Variants in GRK3 observed in about 807,000 individuals in gnomAD.
GRK3 encodes G protein-coupled receptor kinase 3.
GRK3 carries 54 observed loss-of-function variants against 95.7 expected under a neutral mutation model. The observed-to-expected ratio is 0.56, with a 90% CI of 0.45 to 0.71. The LOEUF is 0.71. Among genes scored for constraint, GRK3 ranks in the 30% least tolerant of loss-of-function variants. GRK3 has a pLI of 0.00. For synonymous variants in GRK3, 281 were observed against 290.8 expected (o/e 0.97, Z 0.34); for missense variants, 649 against 851.2 (o/e 0.76, Z 2.96).
Position 25,726,034 on chromosome 22 carries a change from C to T in GRK3, c.*3584C>T, listed in dbSNP as rs1476528023. Reference sequence around the variant, plus strand: ...TGCTGAAGACAGCAGCAGCAACAAACAATGGTCTGTTTGTTGCAAACAAGA... The same window carrying T: ...TGCTGAAGACAGCAGCAGCAACAAATAATGGTCTGTTTGTTGCAAACAAGA... On this transcript the variant is annotated 3_prime_UTR_variant, in exon 21 of 21. Coordinates refer to ENST00000324198, the MANE Select transcript of GRK3 (RefSeq NM_005160.4). The T allele has an allele frequency of 6.5e-6, 1 of 154,368 alleles. No homozygotes were observed. The highest frequency in any genetic ancestry group is 1.4e-5 in the Non-Finnish European group (1 of 69,680). 9.6% of individuals were successfully genotyped at this position (154,368 alleles called of 1,614,324 possible). A position where few individuals can be genotyped will look rare whatever the true frequency, so the allele number is the denominator to read the frequency against.
chr22:25,650,158 C>A (rs1051477699), intron 3 of GRK3, among the ~76,000 whole-genome samples: 3 of 151,916 alleles, frequency 2.0e-5, no homozygotes, highest in Non-Finnish European at 4.4e-5. Flanking sequence ...ATCCCAGTGC[C>A]ACCCTGTAAT....
intron 17 of GRK3, among the ~76,000 whole-genome samples, chr22:25,713,470 G>C (rs770634391): frequency 6.6e-6 from 1 of 152,192 alleles, no homozygotes; most frequent in Non-Finnish European, 1.5e-5. Flanking sequence ...CTGGTGTTCT[G>C]TTGATTTGCT....
chr22:25,722,613 T>C lies in GRK3; in HGVS notation c.*163T>C. Reference sequence around the variant, plus strand: ...GGGGTCAGCTCAGCTCCCTGCCTTGTCACATTTGTCTGCATTAGAAACTAC... The same window carrying C: ...GGGGTCAGCTCAGCTCCCTGCCTTGCCACATTTGTCTGCATTAGAAACTAC... On this transcript the variant is annotated 3_prime_UTR_variant, in exon 21 of 21. Coordinates refer to ENST00000324198, the MANE Select transcript of GRK3 (RefSeq NM_005160.4). 1.7e-6 allele frequency: 1 copy of C among 599,822 alleles called. No individual in the cohort carries two copies. The allele number at this position is 599,822 out of a possible 1,614,324, so 37.2% of individuals were successfully genotyped here. A position where few individuals can be genotyped will look rare whatever the true frequency, so the allele number is the denominator to read the frequency against.
chr22:25,590,884 G>A (rs1315130393), intron 1 of GRK3, among the ~76,000 whole-genome samples: 2 of 152,182 alleles, frequency 1.3e-5, no homozygotes, highest in Admixed American at 1.3e-4. Context: ...TATTACAAGT[G>A]CACAGTTTGG....
At chr22:25,712,480 C>T (rs2085351637) in intron 17 of GRK3, among the ~76,000 whole-genome samples, 1 of 152,262 alleles carries the variant, frequency 6.6e-6, no homozygotes, top group South Asian at 2.1e-4. Flanking sequence ...CTGTATACCA[C>T]TATCTGTCCG....
chr22:25,607,681 G>C (rs1235282759), intron 2 of GRK3, among the ~76,000 whole-genome samples: 2 of 151,864 alleles, frequency 1.3e-5, no homozygotes, highest in African/African-American at 4.8e-5. Flanking sequence ...GGTTCAAGCA[G>C]TTGTTGTGCC....
At chr22:25,619,620 A>G (rs2084565875) in intron 2 of GRK3, among the ~76,000 whole-genome samples, 1 of 149,416 alleles carries the variant, frequency 6.7e-6, no homozygotes, top group Non-Finnish European at 1.5e-5. Flanking sequence ...GGTAGCTAGG[A>G]CTACAGGTGC....
intron 12 of GRK3, among the ~76,000 whole-genome samples, chr22:25,691,552 C>T (rs543423412): frequency 9.1e-4 from 138 of 152,342 alleles, no homozygotes; most frequent in Middle Eastern, 3.4e-3. Context: ...ATTTTGCTAG[C>T]ACTTTACAAT....
In GRK3 at chr22:25,728,366, G is replaced by C. The variant is rs1297683199; in HGVS notation, c.*5916G>C. 1 of 152,204 alleles carries C rather than the reference G, an allele frequency of 6.6e-6. No individual in the cohort carries two copies. The highest frequency in any genetic ancestry group is 1.5e-5 in the Non-Finnish European group (1 of 68,044). 9.4% of individuals were successfully genotyped at this position (152,204 alleles called of 1,614,324 possible). On this transcript the variant is annotated 3_prime_UTR_variant, in exon 21 of 21. Transcript: ENST00000324198. ...TACCGCAAAGGCTTTATTCTGGACT[G>C]GCTATCTCATAAAAGGATTTCTGTA...
chr22:25,718,434 A>G (rs2085404288), intron 19 of GRK3, 53 bp downstream of exon 19: 2 of 1,584,554 alleles, frequency 1.3e-6, no homozygotes, highest in East Asian at 2.2e-5. Context: ...ACAATGGCAT[A>G]TGGTTATTTC....
In GRK3 at chr22:25,723,478, T is replaced by C. The variant is rs2085449838; in HGVS notation, c.*1028T>C. ...TTAACTGTGTATATTGACTTTCATG[T>C]CGTCATGCATCTGTCATGAATGAAT... On this transcript the variant is annotated 3_prime_UTR_variant, in exon 21 of 21. Transcript: ENST00000324198. The C allele has an allele frequency of 6.6e-6, 1 of 152,250 alleles. No individual in the cohort carries two copies. Among genetic ancestry groups the C allele is most frequent in the Admixed American group, 6.5e-5 (1 of 15,286 alleles). 9.4% of individuals were successfully genotyped at this position (152,250 alleles called of 1,614,324 possible).
rs745676340 is a variant in GRK3 at position 25,722,409 on chromosome 22, C to T, written c.2026C>T (p.Pro676Ser). 3.1e-6 allele frequency: 5 copies of T among 1,614,032 alleles called. No individual in the cohort carries two copies. The East Asian group carries it at 8.9e-5, about 29-fold the overall frequency. The change falls in exon 21 of 21, where the codon CCA (proline) becomes TCA (serine). Residue 676 changes from proline to serine, a missense_variant. This residue lies in a region of GRK3 where 382 missense variants were observed against 493.8 expected (regional missense o/e 0.77). Transcript: ENST00000324198. Reference protein sequence around the residue: ...NKPRSGTVELPKPSLCHRNSN... With the variant: ...NKPRSGTVELSKPSLCHRNSN... The stretch of plus-strand genomic sequence containing the variant: ...ACCTCGGTCAGGTACTGTGGAGCTC[C>T]CAAAGCCATCCCTCTGTCACAGAAA...
chr22:25,574,090 C>T (rs950585942), intron 1 of GRK3, among the ~76,000 whole-genome samples: 10 of 152,118 alleles, frequency 6.6e-5, no homozygotes, highest in African/African-American at 1.9e-4. Context: ...GTCATTAAGT[C>T]GGTCCATTGA....
intron 1 of GRK3, among the ~76,000 whole-genome samples, chr22:25,566,862 T>C (rs1931507412): frequency 6.6e-6 from 1 of 152,028 alleles, no homozygotes; most frequent in Admixed American, 6.5e-5. Context: ...GTAGTATTTC[T>C]ATATACAAAA....
intron 15 of GRK3, among the ~76,000 whole-genome samples, chr22:25,704,877 A>G (rs1404727536): frequency 2.6e-5 from 4 of 152,182 alleles, no homozygotes; most frequent in Admixed American, 2.0e-4. Flanking sequence ...ACTGCGATCT[A>G]ACACATGCTC....
chr22:25,662,619 G>T (rs576555408), intron 4 of GRK3, among the ~76,000 whole-genome samples: 1 of 152,286 alleles, frequency 6.6e-6, no homozygotes, highest in African/African-American at 2.4e-5. Flanking sequence ...GGCATGCACT[G>T]CTCTGTTCCT....
chr22:25,721,837 G>T (rs1485266813), intron 20 of GRK3, among the ~76,000 whole-genome samples: 1 of 152,150 alleles, frequency 6.6e-6, no homozygotes. Flanking sequence ...TGGTTCACTA[G>T]TGTGTGTGTT....
intron 1 of GRK3, among the ~76,000 whole-genome samples, chr22:25,585,325 A>G (rs1239956704): frequency 6.6e-6 from 1 of 152,254 alleles, no homozygotes; most frequent in Admixed American, 6.5e-5. Context: ...TGTGATGTGA[A>G]TCTGGTTGGC....
intron 1 of GRK3, among the ~76,000 whole-genome samples, chr22:25,568,956 T>G (rs1401424151): frequency 1.3e-5 from 2 of 152,256 alleles, no homozygotes. Flanking sequence ...TTTCTGTTTG[T>G]GTAGCCACCA....
Sources: allele counts gnomAD v4.1 joint callset (sites outside exome capture counted in the v4.1 genomes callset), GRCh38; gene constraint gnomAD v4.1.1; regional missense constraint gnomAD v4.1.1; transcripts MANE v1.5; gene names NCBI Gene and HGNC (gene_info 2026-07-23, HGNC 2026-07-21).